The following ADGRV1 variants were observed in gnomAD, a reference collection of about 807,000 sequenced individuals.
ADGRV1 encodes adhesion G protein-coupled receptor V1, also known as G-protein coupled receptor 98.
ADGRV1 carries 359 observed loss-of-function variants against 596.2 expected under a neutral mutation model. That is an observed-to-expected ratio of 0.60 (90% CI 0.55 to 0.66). The LOEUF is 0.66. ADGRV1 is among the 30% of genes least tolerant of loss of function. The pLI is 0.00. For synonymous variants in ADGRV1, 2,681 were observed against 2,679.2 expected, an observed-to-expected ratio of 1.00 and a Z score of -0.02; for missense variants, 7,274 against 7,575.6, an observed-to-expected ratio of 0.96 and a Z score of 1.48.
chr5:91,157,278 A>G (rs1430717000), intron 89 of ADGRV1, among the ~76,000 whole-genome samples: 2 of 152,188 alleles, frequency 1.3e-5, no homozygotes, highest in Non-Finnish European at 2.9e-5. Flanking sequence ...GTGTTTAAAA[A>G]GTTTTTCATA....
intron 15 of ADGRV1, 125 bp from the exon 16 acceptor site, chr5:90,645,843 C>T (rs1320925801): frequency 2.0e-5 from 14 of 693,294 alleles, no homozygotes; most frequent in East Asian, 1.1e-4. Context: ...GTTCTGCCTC[C>T]GAAAAGGAAA....
At chr5:90,738,236 T>G (rs1753501747) in intron 50 of ADGRV1, among the ~76,000 whole-genome samples, 1 of 152,106 alleles carries the variant, frequency 6.6e-6, no homozygotes, top group Non-Finnish European at 1.5e-5. Context: ...ACTTTTATGA[T>G]TTTGATCTCA....
At chr5:90,841,301 C>T (rs908425524) in intron 78 of ADGRV1, among the ~76,000 whole-genome samples, 1 of 152,048 alleles carries the variant, frequency 6.6e-6, no homozygotes, top group Non-Finnish European at 1.5e-5. Flanking sequence ...AGAAACTGGC[C>T]AATTAACTTT....
intron 57 of ADGRV1, 58 bp from the exon 58 acceptor site, chr5:90,759,351 C>T: frequency 1.6e-6 from 2 of 1,240,804 alleles, no homozygotes; most frequent in Non-Finnish European, 2.3e-6. Context: ...TTCCTCATTT[C>T]CTATCTTCCT....
At chr5:90,618,730 T>A (rs1272804707) in intron 3 of ADGRV1, among the ~76,000 whole-genome samples, 1 of 152,076 alleles carries the variant, frequency 6.6e-6, no homozygotes, top group Non-Finnish European at 1.5e-5. Context: ...TAGGAAAAAT[T>A]ACATTGAATA....
At chr5:90,981,596 T>A (rs985827416) in intron 84 of ADGRV1, among the ~76,000 whole-genome samples, 2 of 152,134 alleles carry the variant, frequency 1.3e-5, no homozygotes, top group African/African-American at 4.8e-5. Flanking sequence ...TATGTGTGAG[T>A]GCACCCTGTG....
intron 52 of ADGRV1, among the ~76,000 whole-genome samples, chr5:90,748,895 C>G (rs1447501434): frequency 6.6e-6 from 1 of 150,646 alleles, no homozygotes; most frequent in East Asian, 2.0e-4. Context: ...ATCCCTGCAC[C>G]CAGAAAAGTG....
intron 71 of ADGRV1, among the ~76,000 whole-genome samples, chr5:90,803,357 A>G (rs1436285100): frequency 3.3e-5 from 5 of 152,200 alleles, no homozygotes; most frequent in Non-Finnish European, 5.9e-5. Context: ...CAATCATTTC[A>G]TAAATGCACA....
At chr5:91,031,818 C>G (rs1784504152) in intron 85 of ADGRV1, among the ~76,000 whole-genome samples, 1 of 151,988 alleles carries the variant, frequency 6.6e-6, no homozygotes, top group Admixed American at 6.5e-5. Flanking sequence ...CTGCTATATA[C>G]CAGACTGTTC....
At chr5:90,594,185 A>C (rs1759914250) in intron 1 of ADGRV1, among the ~76,000 whole-genome samples, 1 of 152,154 alleles carries the variant, frequency 6.6e-6, no homozygotes, top group African/African-American at 2.4e-5. Flanking sequence ...TCCCCATCCA[A>C]ATCTCATCTT....
At position 91,150,014 on chromosome 5, in the gene ADGRV1, T is replaced by TTTTC; in HGVS notation, c.18433-13_18433-12insCTTT. The TTTTC allele has an allele frequency of 2.3e-6, 2 of 887,854 alleles. No homozygotes were observed. Among genetic ancestry groups the TTTTC allele is most frequent in the South Asian group, 4.2e-5 (2 of 47,230 alleles). 55.0% of individuals were successfully genotyped at this position (887,854 alleles called of 1,614,324 possible). The stretch of plus-strand genomic sequence containing the variant: ...TTTTCTTTTTCTTTTCTTTTCTTTT[T>TTTTC]TTTTTTTTTTTGCAGGGACTTTATG... On this transcript the variant is annotated splice_polypyrimidine_tract_variant and intron_variant, in intron 87 of 89. Coordinates refer to ENST00000405460, the MANE Select transcript of ADGRV1 (RefSeq NM_032119.4).
At chr5:90,564,625 A>ATATTTTTTTTTTTT (rs1391157470) in intron 1 of ADGRV1, among the ~76,000 whole-genome samples, 1 of 33,600 alleles carries the variant, frequency 3.0e-5, no homozygotes, top group African/African-American at 2.3e-4. Flanking sequence ...ATATATATAT[A>ATATTTTTTTTTTTT]TTTTTTTTTT....
chr5:90,600,099 A>G (rs1233491660), intron 1 of ADGRV1, among the ~76,000 whole-genome samples: 1 of 152,170 alleles, frequency 6.6e-6, no homozygotes, highest in South Asian at 2.1e-4. Context: ...GGTAGTACTT[A>G]GTTGGACCAT....
intron 21 of ADGRV1, among the ~76,000 whole-genome samples, chr5:90,668,233 C>T (rs1210001997): frequency 1.3e-5 from 2 of 152,078 alleles, no homozygotes; most frequent in Admixed American, 1.3e-4. Flanking sequence ...GCAGTTTGAT[C>T]TCAGACTGCT....
At chr5:90,923,253 TAAAC>T (rs1774060996) in intron 83 of ADGRV1, among the ~76,000 whole-genome samples, 2 of 152,132 alleles carry the variant, frequency 1.3e-5, no homozygotes, top group Non-Finnish European at 1.5e-5. Context: ...GATATTTTCA[TAAAC>T]AAATATTATA....
At chr5:90,924,899 C>T (rs1488330322) in intron 83 of ADGRV1, among the ~76,000 whole-genome samples, 3 of 151,720 alleles carry the variant, frequency 2.0e-5, no homozygotes, top group Non-Finnish European at 1.5e-5. Flanking sequence ...AATCCTTTCC[C>T]CATTGCTTGT....
intron 83 of ADGRV1, among the ~76,000 whole-genome samples, chr5:90,884,222 C>T (rs757600595): frequency 2.0e-5 from 3 of 152,054 alleles, no homozygotes; most frequent in Non-Finnish European, 2.9e-5. Context: ...CATTCAAATG[C>T]CAGTAGCACA....
intron 87 of ADGRV1, among the ~76,000 whole-genome samples, chr5:91,143,152 G>T (rs1323256576): frequency 6.6e-6 from 1 of 152,174 alleles, no homozygotes; most frequent in Non-Finnish European, 1.5e-5. Flanking sequence ...CTGGCACCAG[G>T]GGACACAGTC....
chr5:91,100,158 A>G (rs574922502), intron 86 of ADGRV1, among the ~76,000 whole-genome samples: 16 of 152,362 alleles, frequency 1.1e-4, no homozygotes, highest in African/African-American at 3.8e-4. Flanking sequence ...ACCATGGCTT[A>G]TACCAGTAAT....
Sources: allele counts gnomAD v4.1 joint callset (sites outside exome capture counted in the v4.1 genomes callset), GRCh38; gene constraint gnomAD v4.1.1; transcripts MANE v1.5; gene names NCBI Gene and HGNC (gene_info 2026-07-23, HGNC 2026-07-21).